PSD3: variants seen among roughly 807,000 people sequenced by gnomAD.
The protein encoded by PSD3 is pleckstrin and Sec7 domain containing 3.
Under a neutral mutation model 105.5 loss-of-function variants are expected in PSD3, and 49 were observed. The observed-to-expected ratio is 0.46, with a 90% CI of 0.37 to 0.59. PSD3 has a LOEUF of 0.59. Among genes scored for constraint, PSD3 ranks in the 20% least tolerant of loss-of-function variants. The pLI is 0.00. For missense variants in PSD3, 1,561 were observed against 1,263.8 expected, an observed-to-expected ratio of 1.24 and a Z score of -3.57; for synonymous variants, 557 against 457.8, an observed-to-expected ratio of 1.22 and a Z score of -2.77.
At chr8:18,995,126 G>T (rs567501084) in intron 1 of PSD3, among the ~76,000 whole-genome samples, 7 of 152,120 alleles carry the variant, frequency 4.6e-5, no homozygotes, top group African/African-American at 1.7e-4. Context: ...TTAGCAAGTA[G>T]GAATCCAGAG....
chr8:18,769,555 A>G (rs1387405737), intron 8 of PSD3, among the ~76,000 whole-genome samples: 2 of 152,296 alleles, frequency 1.3e-5, no homozygotes, highest in African/African-American at 4.8e-5. Flanking sequence ...AAGGTGTGCA[A>G]TCACCACCAC....
At position 19,046,572 on chromosome 8, in the gene PSD3, T is replaced by C. The variant is rs542878338; in HGVS notation, c.324+37634A>G. On this transcript the variant is annotated intron_variant, in intron 1 of 1. Coordinates refer to the PSD3 transcript ENST00000521475. The stretch of plus-strand genomic sequence containing the variant: ...GGGCCATGCCTATTCTTACTCAATC[T>C]TGGCACTGTATTCCTTACCATTTCT... Among the ~76,000 whole-genome samples, 10 of 152,312 alleles carry C rather than the reference T, an allele frequency of 6.6e-5. No individual in the cohort carries two copies. In the East Asian group the frequency reaches 1.5e-3, roughly 24 times the overall value.
In PSD3 at chr8:18,601,515, C is replaced by A. The variant is rs1474393166; in HGVS notation, c.2411-1081G>T. On this transcript the variant is annotated intron_variant, in intron 11 of 15. Coordinates refer to ENST00000327040, the MANE Select transcript of PSD3 (RefSeq NM_015310.4). ...TACTCAAGAATTCTTAGACTTGGAA[C>A]TAGGTGAATAGCCACTTACAGAACA... Among the ~76,000 whole-genome samples the A allele has an allele frequency of 2.6e-5, 4 of 152,112 alleles. No individual in the cohort carries two copies. The East Asian group carries it at 7.7e-4, about 29-fold the overall frequency.
chr8:18,761,689 T>A (rs1051933639), intron 9 of PSD3, among the ~76,000 whole-genome samples: 2 of 152,210 alleles, frequency 1.3e-5, no homozygotes, highest in Non-Finnish European at 2.9e-5. Context: ...TTAGTACCTG[T>A]AATACTTATT....
intron 11 of PSD3, among the ~76,000 whole-genome samples, chr8:18,615,530 T>A (rs1290108824): frequency 1.3e-5 from 2 of 152,204 alleles, no homozygotes; most frequent in Non-Finnish European, 2.9e-5. Flanking sequence ...TATATTTGAG[T>A]GATATTTTCT....
chr8:18,816,305 C>G (rs1232570953), intron 4 of PSD3, among the ~76,000 whole-genome samples: 1 of 152,102 alleles, frequency 6.6e-6, no homozygotes. Context: ...TCCCATTTTA[C>G]AAAAAAGGAA....
At chr8:18,572,488 G>A in intron 14 of PSD3, 40 bp downstream of exon 14, 2 of 1,592,998 alleles carry the variant, frequency 1.3e-6, no homozygotes, top group Non-Finnish European at 1.7e-6. Flanking sequence ...ATTTTACAAA[G>A]TACTTTTTCC....
intron 10 of PSD3, among the ~76,000 whole-genome samples, chr8:18,651,463 C>T (rs1808474991): frequency 1.3e-5 from 2 of 152,202 alleles, no homozygotes; most frequent in Non-Finnish European, 2.9e-5. Flanking sequence ...ACATTGTAGG[C>T]TTATCTTTTA....
intron 2 of PSD3, among the ~76,000 whole-genome samples, chr8:18,913,361 GT>G (rs1820374412): frequency 2.0e-5 from 3 of 150,826 alleles, no homozygotes; most frequent in African/African-American, 7.3e-5. Flanking sequence ...TTTCTTTAGA[GT>G]GCAAACTTCA....
In PSD3 at chr8:18,937,386, G is replaced by A. The variant is rs554357359; in HGVS notation, c.22-1244C>T. On this transcript the variant is annotated intron_variant, in intron 1 of 15. Transcript: ENST00000327040. ...ACCATTCACTTTGGGGGAGAGAAGC[G>A]TGAAGGGTTTTAACAGCAACGAAGT... Among the ~76,000 whole-genome samples the A allele has an allele frequency of 1.4e-4, 22 of 152,290 alleles. No homozygotes were observed. The South Asian group carries it at 1.5e-3, about 10-fold the overall frequency.
At position 18,777,167 on chromosome 8, in the gene PSD3, C is replaced by T. The variant is rs367583691; in HGVS notation, c.2083-11629G>A. ...AAGCAATTCTTGTGCCTCAGCCTCC[C>T]GTGTAGCTGGGACTACAGGCATGCA... is the stretch of plus-strand genomic sequence containing the variant. On this transcript the variant is annotated intron_variant, in intron 8 of 15. Coordinates refer to ENST00000327040, the MANE Select transcript of PSD3 (RefSeq NM_015310.4). Among the ~76,000 whole-genome samples, 54 of 152,084 alleles carry T rather than the reference C, an allele frequency of 3.6e-4. No individual in the cohort carries two copies. The South Asian group carries it at 4.0e-3, about 11-fold the overall frequency.
chr8:18,593,051 A>G (rs987648907), intron 12 of PSD3, among the ~76,000 whole-genome samples: 11 of 152,238 alleles, frequency 7.2e-5, no homozygotes, highest in Non-Finnish European at 1.3e-4. Context: ...ACCATTCAGG[A>G]CATAGGCACG....
chr8:18,572,491 CT>C (rs35660780), intron 14 of PSD3, 36 bp downstream of exon 14: 2 of 1,595,818 alleles, frequency 1.3e-6, no homozygotes, highest in East Asian at 2.2e-5. Context: ...TTACAAAGTA[CT>C]TTTTCCCAAG....
chr8:19,024,729 C>A (rs1301412162), intron 1 of PSD3, among the ~76,000 whole-genome samples: 2 of 152,022 alleles, frequency 1.3e-5, no homozygotes, highest in Non-Finnish European at 2.9e-5. Flanking sequence ...GGAGATTAAG[C>A]TCTATAGAAG....
At chr8:19,005,354 T>C (rs369332180) in intron 1 of PSD3, among the ~76,000 whole-genome samples, 1 of 152,082 alleles carries the variant, frequency 6.6e-6, no homozygotes, top group African/African-American at 2.4e-5. Flanking sequence ...ACATTTTGTA[T>C]TGTTTCATTT....
chr8:18,930,542 T>A (rs1457190413), intron 2 of PSD3, among the ~76,000 whole-genome samples: 4 of 151,592 alleles, frequency 2.6e-5, no homozygotes, highest in Non-Finnish European at 2.9e-5. Context: ...AGAACGTATA[T>A]CTTTAACTTC....
intron 11 of PSD3, among the ~76,000 whole-genome samples, chr8:18,626,047 A>G (rs1806449619): frequency 6.6e-6 from 1 of 152,120 alleles, no homozygotes; most frequent in Non-Finnish European, 1.5e-5. Flanking sequence ...TTGTTTTCCA[A>G]ATTTGACTTT....
chr8:18,645,139 T>C lies in PSD3; in HGVS notation c.2216+10503A>G, dbSNP rs539558556. Among the ~76,000 whole-genome samples, 267 of 152,350 alleles carry C rather than the reference T, an allele frequency of 1.8e-3. 1 individual carries two copies. Among genetic ancestry groups the C allele is most frequent in the African/African-American group, 6.1e-3 (255 of 41,584 alleles). ...GGCAGAGCCCTTTTCCCTTATGACC[T>C]AACAGTCTCTAATTAGGTGTTACCT... is the stretch of plus-strand genomic sequence containing the variant. On this transcript the variant is annotated intron_variant, in intron 10 of 15. Coordinates refer to ENST00000327040, the MANE Select transcript of PSD3 (RefSeq NM_015310.4).
chr8:18,563,310 A>C (rs1801515018), intron 14 of PSD3, among the ~76,000 whole-genome samples: 1 of 152,144 alleles, frequency 6.6e-6, no homozygotes, highest in Non-Finnish European at 1.5e-5. Context: ...CCTGCTATAC[A>C]GGATCTTCGG....
Sources: allele counts gnomAD v4.1 joint callset (sites outside exome capture counted in the v4.1 genomes callset), GRCh38; gene constraint gnomAD v4.1.1; transcripts MANE v1.5; gene names NCBI Gene and HGNC (gene_info 2026-07-23, HGNC 2026-07-21).